The following ECT2L variants were observed in gnomAD, a reference collection of about 807,000 sequenced individuals.
ECT2L encodes the protein epithelial cell transforming 2 like.
Under a neutral mutation model 122.8 loss-of-function variants are expected in ECT2L, and 126 were observed. The ratio of observed to expected loss-of-function variants is 1.03; its 90% confidence interval spans 0.89 to 1.19. The LOEUF is 1.19. Among genes scored for constraint, ECT2L ranks in the 50% most tolerant of loss-of-function variants. The pLI is 0.00. For missense variants in ECT2L, 1,012 were observed against 1,064.1 expected (o/e 0.95, Z 0.68); for synonymous variants, 385 against 381.8 (o/e 1.01, Z -0.10).
In ECT2L at chr6:138,813,255, C is replaced by T; in HGVS notation, c.-20C>T. On this transcript the variant is annotated 5_prime_UTR_variant, in exon 3 of 22. Transcript: ENST00000541398. ...TTTGCTGAGACGTCAGCTGGGGATTCTTCCTGGAGAACTCCAGAAATGGAG... is the reference window on the plus strand; with the variant it reads ...TTTGCTGAGACGTCAGCTGGGGATTTTTCCTGGAGAACTCCAGAAATGGAG... The T allele has an allele frequency of 6.3e-7, 1 of 1,599,284 alleles. No homozygotes were observed. The highest frequency in any genetic ancestry group is 8.5e-7 in the Non-Finnish European group (1 of 1,175,570).
chr6:138,845,332 TC>T (rs1777182779), intron 7 of ECT2L, among the ~76,000 whole-genome samples: 1 of 151,044 alleles, frequency 6.6e-6, no homozygotes, highest in African/African-American at 2.4e-5. Flanking sequence ...AAACTCTGCC[TC>T]CTGGGTTCAA....
In ECT2L at chr6:138,885,797, C is replaced by A. The variant is rs1306471546; in HGVS notation, c.2226C>A (p.Asp742Glu). 4 of 1,613,530 alleles carry A rather than the reference C, an allele frequency of 2.5e-6. No homozygotes were observed. Among genetic ancestry groups the A allele is most frequent in the Non-Finnish European group, 3.4e-6 (4 of 1,179,820 alleles). Residue 742 changes from aspartate to glutamate, a missense_variant, in exon 18 of 22, where the codon GAC (aspartate) becomes GAA (glutamate). Asp to Glu is a conservative substitution (Grantham distance 45). Transcript: ENST00000541398. ...VDRGDLTTAI[D>E]QIKKYKGYID... ...GTGGGGACTTGACCACTGCAATTGACCAAATCAAAAAATATAAAGGTTATA... is the reference window on the plus strand; with the variant it reads ...GTGGGGACTTGACCACTGCAATTGAACAAATCAAAAAATATAAAGGTTATA...
intron 13 of ECT2L, among the ~76,000 whole-genome samples, chr6:138,872,642 C>T (rs182297802): frequency 1.3e-5 from 2 of 152,290 alleles, no homozygotes; most frequent in East Asian, 3.9e-4. Flanking sequence ...TGAAAAACAG[C>T]ACCCAGGCCT....
At chr6:138,853,896 T>C in intron 9 of ECT2L, 130 bp from the exon 10 acceptor site, 1 of 968,896 alleles carries the variant, frequency 1.0e-6, no homozygotes, top group East Asian at 2.4e-5. Flanking sequence ...GAAGCAGAGA[T>C]GCCTCAGGTG....
chr6:138,892,793 A>G (rs1288085023), intron 20 of ECT2L, among the ~76,000 whole-genome samples: 1 of 152,216 alleles, frequency 6.6e-6, no homozygotes, highest in Admixed American at 6.5e-5. Flanking sequence ...ATGCCCAGCC[A>G]GCACCGCTTA....
intron 14 of ECT2L, 80 bp from the exon 15 acceptor site, chr6:138,880,877 G>A (rs1157050): frequency 8.0e-7 from 1 of 1,242,762 alleles, no homozygotes; most frequent in South Asian, 1.3e-5. Flanking sequence ...ACCAGCAAGG[G>A]GGGTCTCCGT....
At chr6:138,881,492 G>A (rs80276504) in intron 15 of ECT2L, among the ~76,000 whole-genome samples, 2,286 of 152,004 alleles carry the variant, frequency 0.015, 57 homozygotes, top group African/African-American at 0.052. Flanking sequence ...GCAGGGGTGG[G>A]GGGAATGGTT....
intron 13 of ECT2L, among the ~76,000 whole-genome samples, chr6:138,874,408 A>G (rs9495278): frequency 0.018 from 2,673 of 152,292 alleles, 84 homozygotes; most frequent in African/African-American, 0.06. Context: ...AAATTCTGGC[A>G]ATTAAACATA....
intron 4 of ECT2L, among the ~76,000 whole-genome samples, chr6:138,826,037 G>T (rs913804051): frequency 6.6e-6 from 1 of 152,084 alleles, no homozygotes; most frequent in African/African-American, 2.4e-5. Flanking sequence ...CGCCCAGTTC[G>T]CCTGTTCAGC....
At chr6:138,848,156 A>C (rs904153630) in intron 8 of ECT2L, among the ~76,000 whole-genome samples, 2 of 152,208 alleles carry the variant, frequency 1.3e-5, no homozygotes, top group Non-Finnish European at 1.5e-5. Flanking sequence ...CTCGACACAC[A>C]GGGATTATGG....
intron 14 of ECT2L, among the ~76,000 whole-genome samples, chr6:138,880,252 G>A (rs1562489307): frequency 6.6e-6 from 1 of 152,212 alleles, no homozygotes; most frequent in Non-Finnish European, 1.5e-5. Flanking sequence ...TGGAGGCTGG[G>A]AAGTCTAAGA....
chr6:138,887,027 T>G, intron 19 of ECT2L, 105 bp downstream of exon 19: 1 of 899,552 alleles, frequency 1.1e-6, no homozygotes, highest in Non-Finnish European at 1.8e-6. Context: ...ATTTGTGGAA[T>G]GCCTGCTACG....
At chr6:138,869,345 G>A (rs966657485) in intron 13 of ECT2L, among the ~76,000 whole-genome samples, 2 of 152,168 alleles carry the variant, frequency 1.3e-5, no homozygotes, top group Admixed American at 1.3e-4. Flanking sequence ...TGCTTTGTGG[G>A]TGAATTTAAC....
rs1582671433 is a variant in ECT2L, at chr6:138,895,270, T to C, written c.2415-5678T>C. On this transcript the variant is annotated intron_variant, in intron 20 of 21. Transcript: ENST00000541398. ...AGGAAACATACTCTGCTTGTATTTA[T>C]ACATACAGTACCAACTCATATAAGG... Among the ~76,000 whole-genome samples the C allele has an allele frequency of 5.3e-5, 8 of 152,308 alleles. 2 individuals are homozygous for C. The highest frequency in any genetic ancestry group is 5.2e-4 in the Admixed American group (8 of 15,302).
chr6:138,808,747 G>A (rs1447069482), intron 1 of ECT2L, among the ~76,000 whole-genome samples: 1 of 131,948 alleles, frequency 7.6e-6, no homozygotes, highest in East Asian at 2.2e-4. Context: ...TTTTTTTTGA[G>A]ACAGTGTCTC....
At chr6:138,835,256 T>C (rs1366715106) in intron 4 of ECT2L, among the ~76,000 whole-genome samples, 1 of 152,190 alleles carries the variant, frequency 6.6e-6, no homozygotes, top group Non-Finnish European at 1.5e-5. Flanking sequence ...AGTTAACATT[T>C]TAATAGTTAT....
chr6:138,838,550 A>AG (rs1562466581), intron 5 of ECT2L, 36 bp downstream of exon 5: 3 of 1,587,062 alleles, frequency 1.9e-6, no homozygotes, highest in Non-Finnish European at 2.6e-6. Context: ...ATAGGGCACA[A>AG]GTACAGCTGT....
intron 9 of ECT2L, among the ~76,000 whole-genome samples, chr6:138,850,814 C>T (rs1485759320): frequency 4.6e-5 from 7 of 151,770 alleles, no homozygotes; most frequent in African/African-American, 1.5e-4. Context: ...CCAGCCTGAC[C>T]AACATAGAGA....
At chr6:138,837,917 T>G in intron 4 of ECT2L, among the ~76,000 whole-genome samples, 1 of 150,770 alleles carries the variant, frequency 6.6e-6, no homozygotes, top group East Asian at 1.9e-4. Context: ...TTTTTTTTTT[T>G]TGAGACAGAG....
Sources: gnomAD v4.1 joint callset for allele counts (sites outside exome capture counted in the v4.1 genomes callset) on GRCh38, gnomAD v4.1.1 for gene constraint, MANE v1.5 for transcripts, NCBI Gene and HGNC (gene_info 2026-07-23, HGNC 2026-07-21) for gene names.